Variants in ANKRD42 observed in about 807,000 individuals in gnomAD.
ANKRD42 encodes the protein ankyrin repeat domain 42.
In ANKRD42, 43 loss-of-function variants were observed where a neutral mutation model predicts 51.5. The ratio of observed to expected loss-of-function variants is 0.83; its 90% CI spans 0.65 to 1.08. ANKRD42 has a LOEUF of 1.08. Among genes scored for constraint, ANKRD42 ranks in the 50% least tolerant of loss-of-function variants. The pLI is 0.00. For missense variants in ANKRD42, 608 were observed against 629.3 expected (o/e 0.97, Z 0.36); for synonymous variants, 203 against 213.0 (o/e 0.95, Z 0.41).
intron 2 of ANKRD42, 22 bp downstream of exon 2, chr11:83,198,664 T>G: frequency 6.5e-7 from 1 of 1,542,466 alleles, no homozygotes; most frequent in Non-Finnish European, 8.8e-7. Flanking sequence ...TACATATCAC[T>G]AAACTGAGGT....
chr11:83,247,958 GCA>G lies in ANKRD42; in HGVS notation c.1339_1340del (p.Gln447GlyfsTer6). 6.2e-7 allele frequency: 1 copy of G among 1,610,656 alleles called. No individual in the cohort carries two copies. Among genetic ancestry groups the G allele is most frequent in the Non-Finnish European group, 8.5e-7 (1 of 1,178,984 alleles). Reference sequence around the variant, plus strand: ...TTTTTGATAGGACCATCAAAGAACTGCAGGGCCAGCTGGAGTATGAACGACTA... The same window carrying G: ...TTTTTGATAGGACCATCAAAGAACTGGGGCCAGCTGGAGTATGAACGACTA... ...LESEKTIKEL[Q>X]GQLEYERLRR... is the part of the protein sequence containing the mutation. On this transcript the variant is annotated frameshift_variant, in exon 11 of 11. Coordinates refer to ENST00000533342, the MANE Select transcript of ANKRD42 (RefSeq NM_001300975.2). LOFTEE classifies it low-confidence loss of function (END_TRUNC).
intron 5 of ANKRD42, among the ~76,000 whole-genome samples, chr11:83,215,799 T>G (rs537875611): frequency 3.3e-5 from 5 of 151,958 alleles, no homozygotes; most frequent in African/African-American, 4.8e-5. Flanking sequence ...TTTGGGGTTG[T>G]TTGTTTGTTT....
chr11:83,206,563 G>A (rs1028905597), intron 3 of ANKRD42, among the ~76,000 whole-genome samples: 1 of 152,170 alleles, frequency 6.6e-6, no homozygotes, highest in Non-Finnish European at 1.5e-5. Flanking sequence ...CCTCATAAAT[G>A]GGATTAATGT....
downstream of ANKRD42, chr11:83,260,590 A>G (rs1863884612): frequency 1.3e-5 from 2 of 152,192 alleles, no homozygotes; most frequent in South Asian, 2.1e-4. Context: ...TGACTGCTCT[A>G]TACTGCAGAT....
In ANKRD42 at chr11:83,194,091, T is replaced by C. The variant is rs1006127044; in HGVS notation, c.-580T>C. 8.8e-6 allele frequency: 4 copies of C among 456,196 alleles called. No individual in the cohort carries two copies. Among genetic ancestry groups the C allele is most frequent in the African/African-American group, 4.0e-5 (2 of 49,992 alleles). 28.3% of individuals were successfully genotyped at this position (456,196 alleles called of 1,614,324 possible). ...TCTCTAGGGAGAGAGTTAGGGGAGA[T>C]AGTGGCCACAGTCACAGCTGCTCTT... is the stretch of plus-strand genomic sequence containing the variant. On this transcript the variant is annotated 5_prime_UTR_variant, in exon 1 of 11. Transcript: ENST00000533342.
chr11:83,202,652 T>C (rs1861915970), intron 2 of ANKRD42, among the ~76,000 whole-genome samples: 1 of 152,204 alleles, frequency 6.6e-6, no homozygotes, highest in African/African-American at 2.4e-5. Context: ...TCCAGGTCAG[T>C]CAGTACCCAC....
intron 9 of ANKRD42, among the ~76,000 whole-genome samples, chr11:83,243,967 CTTTTTTTTTTTTTT>C (rs66756456): frequency 7.5e-5 from 5 of 66,962 alleles, no homozygotes; most frequent in East Asian, 4.7e-4. Flanking sequence ...CCTGGCTGCC[CTTTTTTTTTTTTTT>C]TTTTTTTTTT....
At chr11:83,250,750 A>G (rs1565199691), downstream of ANKRD42, among the ~76,000 whole-genome samples, 1 of 152,166 alleles carries the variant, frequency 6.6e-6, no homozygotes, top group Non-Finnish European at 1.5e-5. Flanking sequence ...ATTTAAATTA[A>G]TGGCATCACT....
intron 10 of ANKRD42, among the ~76,000 whole-genome samples, chr11:83,247,117 A>G (rs1256313500): frequency 7.2e-6 from 1 of 138,280 alleles, no homozygotes; most frequent in East Asian, 2.0e-4. Context: ...TTTGAGATGT[A>G]GATTTTTTTT....
chr11:83,213,345 G>C, intron 5 of ANKRD42: 1 of 1,580,440 alleles, frequency 6.3e-7, no homozygotes, highest in Non-Finnish European at 8.6e-7. Context: ...GAGCTGCCCA[G>C]CTGTCCATCG....
downstream of ANKRD42, chr11:83,261,624 C>T (rs1158895400): frequency 2.6e-5 from 6 of 230,238 alleles, no homozygotes; most frequent in African/African-American, 1.4e-4. Flanking sequence ...CATAAGAAAA[C>T]TCTGGTTCAA....
intron 5 of ANKRD42, among the ~76,000 whole-genome samples, chr11:83,217,300 T>C (rs912936006): frequency 1.3e-5 from 2 of 152,212 alleles, no homozygotes; most frequent in Non-Finnish European, 2.9e-5. Flanking sequence ...AAATTGGTAA[T>C]TTGTTCCCTA....
Position 83,224,904 on chromosome 11 carries a change from CAGT to C in ANKRD42, c.639_641del (p.Ser213del), listed in dbSNP as rs1461041416. On this transcript the variant is annotated inframe_deletion, in exon 6 of 11. Coordinates refer to ENST00000533342, the MANE Select transcript of ANKRD42 (RefSeq NM_001300975.2). ...ACCTTCACTGTTTCAAATTCCTAGT[CAGT>C]AGAATGAGCAGTGCGACGCAAGTTT... is the stretch of plus-strand genomic sequence containing the variant. 6.2e-7 allele frequency: 1 copy of C among 1,609,564 alleles called. No homozygotes were observed.
chr11:83,225,768 G>A (rs1457553171), intron 6 of ANKRD42, among the ~76,000 whole-genome samples: 1 of 107,150 alleles, frequency 9.3e-6, no homozygotes, highest in African/African-American at 3.5e-5. Flanking sequence ...CAGCAAGAGC[G>A]AAACTCCATC....
intron 5 of ANKRD42, among the ~76,000 whole-genome samples, chr11:83,222,752 A>G (rs1020770115): frequency 6.6e-6 from 1 of 152,084 alleles, no homozygotes; most frequent in African/African-American, 2.4e-5. Flanking sequence ...AAGTAAGAGG[A>G]GCCATTAGAG....
rs11403803 is a variant in ANKRD42 at position 83,228,231 on chromosome 11, C to CTTTTTTTTTTTT, written c.913+386_913+397dup. 8.5e-5 allele frequency among the ~76,000 whole-genome samples: 5 copies of CTTTTTTTTTTTT among 59,024 alleles called. 1 individual carries two copies. Among genetic ancestry groups the CTTTTTTTTTTTT allele is most frequent in the East Asian group, 7.2e-4 (1 of 1,380 alleles). 38.7% of individuals were successfully genotyped at this position (59,024 alleles called of 152,430 possible). A position where few individuals can be genotyped will look rare whatever the true frequency, so the allele number is the denominator to read the frequency against. ...AAATAGAAATCATCCCTCTCTCTCT[C>CTTTTTTTTTTTT]TTTTTTTTTTTTTTTTTTTTTTTTT... On this transcript the variant is annotated intron_variant, in intron 7 of 10. Coordinates refer to ENST00000533342, the MANE Select transcript of ANKRD42 (RefSeq NM_001300975.2).
rs556193567 is a variant in ANKRD42, at chr11:83,255,789, C to G, written c.1465-56C>G. The G allele has an allele frequency of 2.9e-6, 4 of 1,392,740 alleles. No individual in the cohort carries two copies. The East Asian group carries it at 1.0e-4, about 35-fold the overall frequency. The allele number at this position is 1,392,740 out of a possible 1,614,324, so 86.3% of individuals were successfully genotyped here. A position where few individuals can be genotyped will look rare whatever the true frequency, so the allele number is the denominator to read the frequency against. On this transcript the variant is annotated intron_variant, in intron 11 of 11. Coordinates refer to the ANKRD42 transcript ENST00000260047. ...CTTTTGAACAGGCAATGTAGAAAGA[C>G]GAAAATGTGTGCTAGCATGAAAATT...
At chr11:83,257,286 G>GCCCAAAA (rs1197006085), downstream of ANKRD42, 1 of 455,788 alleles carries the variant, frequency 2.2e-6, no homozygotes, top group Non-Finnish European at 4.4e-6. Flanking sequence ...TGCCAGGGAA[G>GCCCAAAA]CCCAAAACCA....
chr11:83,244,466 G>A (rs1487500761), intron 9 of ANKRD42, among the ~76,000 whole-genome samples: 1 of 152,212 alleles, frequency 6.6e-6, no homozygotes, highest in East Asian at 1.9e-4. Flanking sequence ...AGCTGGTCCT[G>A]TAAAGCAGTT....
Sources: gnomAD v4.1 joint callset for allele counts (sites outside exome capture counted in the v4.1 genomes callset) on GRCh38, gnomAD v4.1.1 for gene constraint, MANE v1.5 for transcripts, NCBI Gene and HGNC (gene_info 2026-07-23, HGNC 2026-07-21) for gene names.